RIT2: variants seen among roughly 807,000 people sequenced by gnomAD.
RIT2 encodes the protein GTP-binding protein Rit2.
Under a neutral mutation model 23.7 loss-of-function variants are expected in RIT2, and 24 were observed. The observed-to-expected ratio is 1.01, with a 90% CI of 0.73 to 1.43. The LOEUF (loss-of-function observed/expected upper bound fraction) is 1.43. RIT2 is among the 40% of genes most tolerant of loss of function. RIT2 has a pLI of 0.00. For synonymous variants in RIT2, 107 were observed against 91.1 expected, an observed-to-expected ratio of 1.17 and a Z score of -0.99; for missense variants, 236 against 266.9, an observed-to-expected ratio of 0.88 and a Z score of 0.81.
chr18:42,803,873 GA>G (rs1487560065), intron 4 of RIT2, among the ~76,000 whole-genome samples: 2 of 152,156 alleles, frequency 1.3e-5, no homozygotes, highest in Non-Finnish European at 2.9e-5. Context: ...TTAAGAAACA[GA>G]AGTTGTTATA....
chr18:43,082,200 C>A (rs1598775578), intron 1 of RIT2, among the ~76,000 whole-genome samples: 1 of 152,204 alleles, frequency 6.6e-6, no homozygotes, highest in East Asian at 1.9e-4. Context: ...TTATAGTATT[C>A]TGTAATGTAG....
chr18:42,807,415 G>A (rs917286013), intron 4 of RIT2, among the ~76,000 whole-genome samples: 2 of 152,082 alleles, frequency 1.3e-5, no homozygotes, highest in Non-Finnish European at 2.9e-5. Flanking sequence ...TCAGGAGTTC[G>A]AGACCAGCCT....
chr18:42,861,593 A>G (rs1157313324), intron 4 of RIT2, among the ~76,000 whole-genome samples: 10 of 152,204 alleles, frequency 6.6e-5, no homozygotes, highest in Admixed American at 1.3e-4. Flanking sequence ...AGCATAGACT[A>G]AGGCTCAGAA....
intron 3 of RIT2, among the ~76,000 whole-genome samples, chr18:42,965,339 G>GA (rs1170665034): frequency 6.6e-6 from 1 of 151,912 alleles, no homozygotes; most frequent in Non-Finnish European, 1.5e-5. Context: ...AGTCAGATGT[G>GA]AAAAAAAGAG....
At chr18:42,780,700 C>T (rs1008759879) in intron 4 of RIT2, among the ~76,000 whole-genome samples, 4 of 151,950 alleles carry the variant, frequency 2.6e-5, no homozygotes, top group Non-Finnish European at 5.9e-5. Context: ...TTTTGTCAGT[C>T]GTAATATCTT....
chr18:42,958,622 T>C (rs1320609246), intron 3 of RIT2, among the ~76,000 whole-genome samples: 2 of 152,102 alleles, frequency 1.3e-5, no homozygotes, highest in East Asian at 1.9e-4. Flanking sequence ...ATATAATATA[T>C]AATTTGATCA....
chr18:42,877,949 T>TAAACACAGAA (rs1205154442), intron 4 of RIT2, among the ~76,000 whole-genome samples: 1 of 151,870 alleles, frequency 6.6e-6, no homozygotes, highest in Non-Finnish European at 1.5e-5. Flanking sequence ...GAATTCTGTG[T>TAAACACAGAA]TTAGACTTCG....
chr18:42,983,785 A>G (rs955326367), intron 2 of RIT2, among the ~76,000 whole-genome samples: 10 of 152,118 alleles, frequency 6.6e-5, no homozygotes, highest in Non-Finnish European at 2.9e-5. Flanking sequence ...TTAAATAAGT[A>G]CAAATTAAAA....
At chr18:42,864,436 T>G (rs1213962028) in intron 4 of RIT2, among the ~76,000 whole-genome samples, 1 of 152,216 alleles carries the variant, frequency 6.6e-6, no homozygotes, top group Non-Finnish European at 1.5e-5. Flanking sequence ...TTCTATTGCA[T>G]ACTCTGCACT....
At chr18:42,909,398 T>C (rs1404539559) in intron 4 of RIT2, among the ~76,000 whole-genome samples, 2 of 152,052 alleles carry the variant, frequency 1.3e-5, no homozygotes, top group African/African-American at 4.8e-5. Context: ...TTCATTAAAA[T>C]CTCAGAAATC....
At chr18:42,941,350 C>A (rs1347232832) in intron 3 of RIT2, among the ~76,000 whole-genome samples, 1 of 151,908 alleles carries the variant, frequency 6.6e-6, no homozygotes, top group Non-Finnish European at 1.5e-5. Context: ...CTGCTGACCG[C>A]CCCCCACCCC....
intron 3 of RIT2, among the ~76,000 whole-genome samples, chr18:42,963,371 CT>C (rs1296430698): frequency 6.6e-6 from 1 of 152,158 alleles, no homozygotes; most frequent in Non-Finnish European, 1.5e-5. Flanking sequence ...TCCATCATAT[CT>C]GGAAATCCAT....
intron 4 of RIT2, among the ~76,000 whole-genome samples, chr18:42,870,036 T>G (rs1325317470): frequency 1.3e-5 from 2 of 152,204 alleles, no homozygotes; most frequent in African/African-American, 4.8e-5. Context: ...TAGTTTTATC[T>G]TCTTATTGTG....
Position 42,802,380 on chromosome 18 carries a change from A to G in RIT2, c.427-58660T>C, listed in dbSNP as rs137957882. Among the ~76,000 whole-genome samples the G allele has an allele frequency of 1.5e-3, 224 of 152,292 alleles. 3 individuals carry two copies. The East Asian group carries it at 0.041, about 28-fold the overall frequency. On this transcript the variant is annotated intron_variant, in intron 4 of 4. Transcript: ENST00000326695. ...TTTTGAGTGGCATAATATAAAAACT[A>G]AAAATAAGAAAGTCAGAAATTGCAC...
intron 1 of RIT2, among the ~76,000 whole-genome samples, chr18:43,073,899 G>T (rs1016306275): frequency 5.3e-5 from 8 of 152,178 alleles, no homozygotes; most frequent in Admixed American, 3.3e-4. Flanking sequence ...TTAAATGGGT[G>T]TGAAAGCATG....
intron 4 of RIT2, among the ~76,000 whole-genome samples, chr18:42,894,519 T>C (rs1174116666): frequency 6.6e-6 from 1 of 152,162 alleles, no homozygotes; most frequent in African/African-American, 2.4e-5. Flanking sequence ...ACTCAAAAAG[T>C]AGCAGTCTGA....
chr18:43,101,424 A>G (rs1486412039), intron 1 of RIT2, among the ~76,000 whole-genome samples: 6 of 152,202 alleles, frequency 3.9e-5, no homozygotes, highest in African/African-American at 1.2e-4. Flanking sequence ...ATCTAGATAA[A>G]AATTTAATTT....
chr18:42,996,342 C>T (rs1364576714), intron 2 of RIT2, among the ~76,000 whole-genome samples: 2 of 152,050 alleles, frequency 1.3e-5, no homozygotes, highest in East Asian at 3.9e-4. Context: ...TTTTCGCCGT[C>T]CCAACACTTT....
intron 4 of RIT2, among the ~76,000 whole-genome samples, chr18:42,894,893 G>C (rs1908281336): frequency 6.6e-6 from 1 of 152,192 alleles, no homozygotes; most frequent in Admixed American, 6.5e-5. Context: ...TTTTAGTAGA[G>C]GGATTAAATG....
Sources: gnomAD v4.1 joint callset for allele counts (sites outside exome capture counted in the v4.1 genomes callset) on GRCh38, gnomAD v4.1.1 for gene constraint, MANE v1.5 for transcripts, NCBI Gene and HGNC (gene_info 2026-07-23, HGNC 2026-07-21) for gene names.